BCAS3: variants seen among roughly 807,000 people sequenced by gnomAD.
BCAS3 encodes BCAS4/BCAS3 fusion.
Under a neutral mutation model 116.1 loss-of-function variants are expected in BCAS3, and 53 were observed. That is an observed-to-expected ratio of 0.46 (90% confidence interval 0.37 to 0.57). The LOEUF (loss-of-function observed/expected upper bound fraction) is 0.57. Among genes scored for constraint, BCAS3 ranks in the 20% least tolerant of loss-of-function variants. The probability of loss-of-function intolerance (pLI) is 0.00; values close to 1 mark genes in which losing one functional copy is unlikely to be tolerated. For missense variants in BCAS3, 917 were observed against 1,165.4 expected (o/e 0.79, Z 3.10); for synonymous variants, 391 against 408.2 (o/e 0.96, Z 0.51).
At position 61,235,786 on chromosome 17, in the gene BCAS3, G is replaced by A. The variant is rs2083005545; in HGVS notation, c.2426-132541G>A. Among the ~76,000 whole-genome samples the A allele has an allele frequency of 6.6e-6, 1 of 152,104 alleles. No individual in the cohort carries two copies. ...GCTGCAAAAGAGATGTGGAGACTGG[G>A]GGAAAAGGACTGATTATATGTTAGC... On this transcript the variant is annotated intron_variant, in intron 22 of 23. Coordinates refer to ENST00000407086, the MANE Select transcript of BCAS3 (RefSeq NM_017679.5). The surrounding 1 kb of genome is among the most constrained non-coding windows in gnomAD (Gnocchi z 5.0).
Position 61,296,766 on chromosome 17 carries a change from C to T in BCAS3, c.2426-71561C>T, listed in dbSNP as rs181702400. Among the ~76,000 whole-genome samples, 332 of 152,198 alleles carry T rather than the reference C, an allele frequency of 2.2e-3. 1 individual carries two copies. Among genetic ancestry groups the T allele is most frequent in the Admixed American group, 3.5e-3 (54 of 15,290 alleles). ...TGAGTTGCAATTAGCCAGGCAGCAG[C>T]GAAGAGGGAATAGCACTTGCAAAGT... is the stretch of plus-strand genomic sequence containing the variant. On this transcript the variant is annotated intron_variant, in intron 22 of 23. Transcript: ENST00000407086.
At chr17:60,874,576 AGAT>A in intron 8 of BCAS3, 83 bp from the exon 9 acceptor site, 1 of 884,058 alleles carries the variant, frequency 1.1e-6, no homozygotes, top group Middle Eastern at 2.4e-4. Flanking sequence ...GTTTTCATCT[AGAT>A]GATATAATGC....
rs530925540 is a variant in BCAS3 at position 60,766,594 on chromosome 17, A to T, written c.403+19315A>T. ...TTGTCTCAGAGGGGCACCCGGCTGT[A>T]TGAGGTGTCATTCGGCCCCTACTGG... is the stretch of plus-strand genomic sequence containing the variant. On this transcript the variant is annotated intron_variant, in intron 6 of 23. Transcript: ENST00000407086. 2.6e-5 allele frequency among the ~76,000 whole-genome samples: 4 copies of T among 152,224 alleles called. No individual in the cohort carries two copies. In the East Asian group the frequency reaches 7.7e-4, roughly 29 times the overall value.
intron 22 of BCAS3, among the ~76,000 whole-genome samples, chr17:61,120,041 T>C (rs183445422): frequency 3.7e-4 from 56 of 152,226 alleles, no homozygotes; most frequent in Admixed American, 2.6e-4. Context: ...AGACTGATTA[T>C]TTTAACAATT....
rs542832798 is a variant in BCAS3, at chr17:60,744,987, T to C, written c.322-2211T>C. On this transcript the variant is annotated intron_variant, in intron 5 of 23. Coordinates refer to ENST00000407086, the MANE Select transcript of BCAS3 (RefSeq NM_017679.5). ...TATTAAATACAATGATAGCAAACTTTTATATTGTGAGTATGCTAAGACAGA... is the reference window on the plus strand; with the variant it reads ...TATTAAATACAATGATAGCAAACTTCTATATTGTGAGTATGCTAAGACAGA... Among the ~76,000 whole-genome samples the C allele has an allele frequency of 1.4e-4, 22 of 152,282 alleles. No homozygotes were observed. In the East Asian group the frequency reaches 4.0e-3, roughly 28 times the overall value.
chr17:61,309,632 C>A lies in BCAS3; in HGVS notation c.2426-58695C>A, dbSNP rs578157832. Among the ~76,000 whole-genome samples the A allele has an allele frequency of 6.6e-6, 1 of 152,142 alleles. No individual in the cohort carries two copies. The highest frequency in any genetic ancestry group is 1.5e-5 in the Non-Finnish European group (1 of 68,032). ...TCGAGTATTGCCTCCTTTCCTGAAG[C>A]GTGTTCTCCGTCCCAAGGAAAACAC... On this transcript the variant is annotated intron_variant, in intron 22 of 23. Transcript: ENST00000407086. The surrounding 1 kb of genome is among the most constrained non-coding windows in gnomAD (Gnocchi z 4.6).
intron 22 of BCAS3, among the ~76,000 whole-genome samples, chr17:61,101,792 T>C (rs2074343813): frequency 6.6e-6 from 1 of 152,172 alleles, no homozygotes; most frequent in African/African-American, 2.4e-5. Flanking sequence ...TTCAGAATAA[T>C]ATTTGGCTTT....
At position 61,078,393 on chromosome 17, in the gene BCAS3, T is replaced by A; in HGVS notation, c.2191T>A (p.Phe731Ile). 6.2e-7 allele frequency: 1 copy of A among 1,614,126 alleles called. No individual in the cohort carries two copies. The highest frequency in any genetic ancestry group is 8.5e-7 in the Non-Finnish European group (1 of 1,180,008). Residue 731 changes from phenylalanine (F) to isoleucine (I), a missense_variant, in exon 21 of 24, where the codon TTC (phenylalanine) becomes ATC (isoleucine). Transcript: ENST00000407086. ...TCTGTGGATGGGTCCACAGTTCCAGTTCAAAACCATCCATCCCTCAGGCCA... is the reference window on the plus strand; with the variant it reads ...TCTGTGGATGGGTCCACAGTTCCAGATCAAAACCATCCATCCCTCAGGCCA... ...RRLWMGPQFQ[F>I]KTIHPSGQTT...
chr17:60,879,188 T>C (rs2055888029), intron 9 of BCAS3, among the ~76,000 whole-genome samples: 1 of 152,232 alleles, frequency 6.6e-6, no homozygotes, highest in South Asian at 2.1e-4. Context: ...TATTGGTACC[T>C]AGTTCTTAAG....
intron 23 of BCAS3, among the ~76,000 whole-genome samples, chr17:61,372,961 C>A (rs1450382083): frequency 6.6e-6 from 1 of 152,158 alleles, no homozygotes; most frequent in East Asian, 1.9e-4. Context: ...ATATTAAGTA[C>A]ATTTTCTCTT....
At chr17:61,320,958 G>A (rs892915131) in intron 22 of BCAS3, among the ~76,000 whole-genome samples, 6 of 152,144 alleles carry the variant, frequency 3.9e-5, no homozygotes, top group Admixed American at 3.9e-4. Context: ...GAGCATTAAA[G>A]CATGCTGTGA....
At chr17:60,968,497 G>C (rs1172134947) in intron 14 of BCAS3, among the ~76,000 whole-genome samples, 2 of 152,080 alleles carry the variant, frequency 1.3e-5, no homozygotes, top group Non-Finnish European at 2.9e-5. Flanking sequence ...GGCCTTTCAA[G>C]GCACTGGAAT....
At chr17:60,987,802 C>A (rs151215818) in intron 14 of BCAS3, among the ~76,000 whole-genome samples, 1 of 151,916 alleles carries the variant, frequency 6.6e-6, no homozygotes, top group Non-Finnish European at 1.5e-5. Context: ...TTTTTCTTTT[C>A]GAATTTGGAT....
chr17:60,897,431 G>T (rs971948938), intron 10 of BCAS3, among the ~76,000 whole-genome samples: 2 of 152,112 alleles, frequency 1.3e-5, no homozygotes, highest in Non-Finnish European at 2.9e-5. Context: ...TGCTAAGCCT[G>T]TTGTATCTGA....
At chr17:60,886,413 A>G (rs1472611366) in intron 9 of BCAS3, 1 of 151,840 alleles carries the variant, frequency 6.6e-6, no homozygotes, top group East Asian at 1.9e-4. Context: ...GCTCAGAGTA[A>G]TTCGATCGTC....
At chr17:60,740,796 A>G (rs2041473713) in intron 5 of BCAS3, among the ~76,000 whole-genome samples, 2 of 152,100 alleles carry the variant, frequency 1.3e-5, no homozygotes, top group Non-Finnish European at 2.9e-5. Context: ...GCTCTCATAA[A>G]GTAGTTTCTG....
rs536798291 is a variant in BCAS3, at chr17:60,814,309, G to A, written c.476+6233G>A. Among the ~76,000 whole-genome samples, 87 of 149,776 alleles carry A rather than the reference G, an allele frequency of 5.8e-4. 1 individual carries two copies. Among genetic ancestry groups the A allele is most frequent in the East Asian group, 1.2e-3 (6 of 5,064 alleles). On this transcript the variant is annotated intron_variant, in intron 7 of 23. Coordinates refer to ENST00000407086, the MANE Select transcript of BCAS3 (RefSeq NM_017679.5). ...TGTGTGTGTGTGTGTGTGTGTGTGC[G>A]CGCGTGCCCATTGCAAATGGGATTG...
chr17:60,810,565 GA>G, intron 7 of BCAS3: 1 of 848,824 alleles, frequency 1.2e-6, no homozygotes. Context: ...CAAGACCATC[GA>G]GGACCTGAGG....
intron 19 of BCAS3, among the ~76,000 whole-genome samples, chr17:61,055,812 T>TA (rs1452175690): frequency 1.3e-5 from 2 of 152,214 alleles, no homozygotes; most frequent in South Asian, 2.1e-4. Flanking sequence ...ATTCTAGTTT[T>TA]AAAAAATTGC....
Sources: gnomAD v4.1 joint callset for allele counts (sites outside exome capture counted in the v4.1 genomes callset) on GRCh38, gnomAD v4.1.1 for gene constraint, Gnocchi (gnomAD v3.1) non-coding constraint, MANE v1.5 for transcripts, NCBI Gene and HGNC (gene_info 2026-07-23, HGNC 2026-07-21) for gene names.